The following ADK variants were observed in gnomAD, a reference collection of about 807,000 sequenced individuals.
ADK encodes the protein adenosine kinase.
ADK carries 24 observed loss-of-function variants against 44.7 expected under a neutral mutation model. The observed-to-expected ratio is 0.54, with a 90% CI of 0.39 to 0.76. The LOEUF is 0.76. Among genes scored for constraint, ADK ranks in the 30% least tolerant of loss-of-function variants. The pLI is 0.00. For synonymous variants in ADK, 128 were observed against 142.6 expected, an observed-to-expected ratio of 0.90 and a Z score of 0.73; for missense variants, 321 against 425.1, an observed-to-expected ratio of 0.76 and a Z score of 2.15.
At chr10:74,489,711 A>G (rs1467508743) in intron 6 of ADK, among the ~76,000 whole-genome samples, 1 of 151,850 alleles carries the variant, frequency 6.6e-6, no homozygotes, top group Non-Finnish European at 1.5e-5. Context: ...CTGGAATAAT[A>G]TGGCTCAACT....
chr10:74,358,328 G>A (rs371991113), intron 4 of ADK, among the ~76,000 whole-genome samples: 1 of 152,250 alleles, frequency 6.6e-6, no homozygotes, highest in East Asian at 1.9e-4. Context: ...CATTAACTTA[G>A]CATTAATATA....
At chr10:74,216,764 T>C (rs914275641) in intron 2 of ADK, among the ~76,000 whole-genome samples, 4 of 149,848 alleles carry the variant, frequency 2.7e-5, no homozygotes, top group African/African-American at 9.9e-5. Flanking sequence ...ACAGACAAAA[T>C]ATGAATCATT....
At chr10:74,180,475 T>A (rs1842502135) in intron 1 of ADK, among the ~76,000 whole-genome samples, 1 of 145,626 alleles carries the variant, frequency 6.9e-6, no homozygotes, top group Non-Finnish European at 1.5e-5. Context: ...TTTTTTTTTT[T>A]TTGAGACGGA....
chr10:74,355,015 G>A (rs567009257), intron 4 of ADK, among the ~76,000 whole-genome samples: 3 of 152,230 alleles, frequency 2.0e-5, no homozygotes, highest in African/African-American at 4.8e-5. Flanking sequence ...CTGTACTGGG[G>A]TCAGTTTTTT....
chr10:74,516,123 C>T (rs942249004), intron 6 of ADK, among the ~76,000 whole-genome samples: 4 of 152,190 alleles, frequency 2.6e-5, no homozygotes, highest in African/African-American at 9.7e-5. Flanking sequence ...GAATTCCTGG[C>T]AGCTCTCCAA....
chr10:74,228,428 G>GT (rs1199379136), intron 3 of ADK, among the ~76,000 whole-genome samples: 1 of 151,988 alleles, frequency 6.6e-6, no homozygotes, highest in Non-Finnish European at 1.5e-5. Flanking sequence ...TAGCTTTCTA[G>GT]TTTTTTTCAG....
At chr10:74,279,952 C>G (rs1326566121) in intron 3 of ADK, among the ~76,000 whole-genome samples, 2 of 151,816 alleles carry the variant, frequency 1.3e-5, no homozygotes, top group Non-Finnish European at 2.9e-5. Flanking sequence ...CACTTGAGCC[C>G]AGGAGTTTAA....
intron 4 of ADK, among the ~76,000 whole-genome samples, chr10:74,391,654 C>T (rs1474802694): frequency 9.2e-4 from 34 of 37,022 alleles, no homozygotes; most frequent in African/African-American, 1.5e-3. Flanking sequence ...CAAGAATATA[C>T]ACACACACAC....
At chr10:74,392,113 G>A (rs541440878) in intron 4 of ADK, among the ~76,000 whole-genome samples, 2 of 152,252 alleles carry the variant, frequency 1.3e-5, no homozygotes, top group African/African-American at 4.8e-5. Context: ...TATTGCTGCA[G>A]TGAACATGGA....
At chr10:74,394,351 C>G (rs773486641) in intron 5 of ADK, 38 bp downstream of exon 5, 2 of 1,588,354 alleles carry the variant, frequency 1.3e-6, no homozygotes, top group South Asian at 2.2e-5. Context: ...TACTAATTGG[C>G]TATTTTAACA....
At chr10:74,298,236 A>G (rs1372187390) in intron 3 of ADK, among the ~76,000 whole-genome samples, 2 of 152,120 alleles carry the variant, frequency 1.3e-5, no homozygotes, top group African/African-American at 2.4e-5. Flanking sequence ...CAACAGCAGA[A>G]TTTTTCATGC....
chr10:74,542,272 C>T (rs1156453720), intron 7 of ADK, among the ~76,000 whole-genome samples: 1 of 152,170 alleles, frequency 6.6e-6, no homozygotes. Flanking sequence ...GAGTCAGAGG[C>T]ACTCAGCTAA....
intron 9 of ADK, among the ~76,000 whole-genome samples, chr10:74,664,234 T>C (rs1397265914): frequency 6.6e-6 from 1 of 152,194 alleles, no homozygotes; most frequent in African/African-American, 2.4e-5. Context: ...TGTTTACCAA[T>C]ATAGAAAGAT....
intron 7 of ADK, chr10:74,530,635 G>A (rs1284107582): frequency 6.6e-6 from 1 of 152,136 alleles, no homozygotes; most frequent in Non-Finnish European, 1.5e-5. Flanking sequence ...ACAGAAGAAA[G>A]GTAACTAAGG....
chr10:74,611,036 C>T lies in ADK; in HGVS notation c.877+10543C>T, dbSNP rs180831108. Among the ~76,000 whole-genome samples the T allele has an allele frequency of 1.7e-4, 26 of 151,996 alleles. No homozygotes were observed. In the East Asian group the frequency reaches 1.9e-3, roughly 11 times the overall value. On this transcript the variant is annotated intron_variant, in intron 9 of 10. Coordinates refer to ENST00000539909, the MANE Select transcript of ADK (RefSeq NM_006721.4). ...AAATAAACTGTAGATTTTTCTGTTT[C>T]GTTTGTTTTAAGACCAGGCCTCGCT...
At chr10:74,699,224 C>G (rs1415542275) in intron 10 of ADK, among the ~76,000 whole-genome samples, 1 of 150,412 alleles carries the variant, frequency 6.6e-6, no homozygotes, top group Non-Finnish European at 1.5e-5. Flanking sequence ...ACTCTGGGGC[C>G]TGAGGCTGTG....
intron 1 of ADK, among the ~76,000 whole-genome samples, chr10:74,171,370 C>T (rs969282296): frequency 4.6e-5 from 7 of 152,224 alleles, no homozygotes; most frequent in East Asian, 1.9e-4. Context: ...CTTGTTTTAT[C>T]GCACCCTTAA....
At chr10:74,455,051 A>G (rs991409838) in intron 6 of ADK, among the ~76,000 whole-genome samples, 1 of 152,302 alleles carries the variant, frequency 6.6e-6, no homozygotes, top group African/African-American at 2.4e-5. Context: ...AAAATTTTCA[A>G]TATATCAAGG....
chr10:74,617,672 T>C (rs2134016598), intron 9 of ADK, among the ~76,000 whole-genome samples: 1 of 152,256 alleles, frequency 6.6e-6, no homozygotes, highest in South Asian at 2.1e-4. Flanking sequence ...CCAGGCTCAC[T>C]GCAGCCTCCA....
Sources: allele counts gnomAD v4.1 joint callset (sites outside exome capture counted in the v4.1 genomes callset), GRCh38; gene constraint gnomAD v4.1.1; transcripts MANE v1.5; gene names NCBI Gene and HGNC (gene_info 2026-07-23, HGNC 2026-07-21).